BEAN1: variants seen among roughly 807,000 people sequenced by gnomAD.
BEAN1 encodes protein BEAN1.
Under a neutral mutation model 17.7 loss-of-function variants are expected in BEAN1, and 17 were observed. That is an observed-to-expected ratio of 0.96 (90% CI 0.66 to 1.44). BEAN1 has a LOEUF of 1.44. Ranked by LOEUF, BEAN1 falls within the 40% of genes most tolerant of loss-of-function variation. The probability of loss-of-function intolerance (pLI) is 0.00; values close to 1 mark genes in which losing one functional copy is unlikely to be tolerated. For synonymous variants in BEAN1, 142 were observed against 151.8 expected (o/e 0.94, Z 0.47); for missense variants, 359 against 374.1 (o/e 0.96, Z 0.33).
chr16:66,484,742 G>A (rs1267958062), downstream of BEAN1: 1 of 453,892 alleles, frequency 2.2e-6, no homozygotes, highest in African/African-American at 2.0e-5. The surrounding 1 kb of genome is among the most constrained non-coding windows in gnomAD (Gnocchi z 4.2). Flanking sequence ...CACCACTGCA[G>A]GCCACTGAGC....
exon 5 of BEAN1, chr16:66,493,478 G>A (rs1366283643): frequency 1.7e-6 from 1 of 602,448 alleles, no homozygotes; most frequent in African/African-American, 1.9e-5. Flanking sequence ...CCTGGACAGT[G>A]AGGAGGTCCT....
intron 2 of BEAN1, among the ~76,000 whole-genome samples, chr16:66,455,688 CT>C (rs35075494): frequency 0.39 from 55,435 of 143,580 alleles, 10,928 homozygotes; most frequent in South Asian, 0.48. Context: ...AATAAAGCTA[CT>C]TTTTTTTTTT....
At chr16:66,431,706 C>G (rs966512730) in intron 1 of BEAN1, among the ~76,000 whole-genome samples, 1 of 152,022 alleles carries the variant, frequency 6.6e-6, no homozygotes, top group African/African-American at 2.4e-5. Flanking sequence ...GGGTTTTCCC[C>G]CCCTTAACAT....
chr16:66,444,683 T>A (rs953452519), intron 2 of BEAN1, among the ~76,000 whole-genome samples: 5 of 152,156 alleles, frequency 3.3e-5, no homozygotes. Flanking sequence ...CTTGCTCACA[T>A]CATTTGTGTA....
At chr16:66,447,711 C>T (rs1962507427) in intron 2 of BEAN1, among the ~76,000 whole-genome samples, 1 of 152,160 alleles carries the variant, frequency 6.6e-6, no homozygotes, top group African/African-American at 2.4e-5. Flanking sequence ...GTAACTCAGG[C>T]AAATAGATTC....
At position 66,480,873 on chromosome 16, in the gene BEAN1, G is replaced by A. The variant is rs1184402409; in HGVS notation, c.728G>A (p.Gly243Asp). 5 of 1,484,276 alleles carry A rather than the reference G, an allele frequency of 3.4e-6. No homozygotes were observed. The highest frequency in any genetic ancestry group is 2.5e-5 in the East Asian group (1 of 40,014). The allele number at this position is 1,484,276 out of a possible 1,614,324, so 91.9% of individuals were successfully genotyped here. A position where few individuals can be genotyped will look rare whatever the true frequency, so the allele number is the denominator to read the frequency against. Residue 243 changes from glycine to aspartate, a missense_variant, in exon 5 of 5, where the codon GGC (glycine) becomes GAC (aspartate). Gly to Asp is a moderately conservative substitution (Grantham distance 94). Transcript: ENST00000536005. ...GPDPGPRGSQ[G>D]SPTPTRAPAS... ...GACCCAGGGCCAAGGGGCTCCCAGG[G>A]CTCACCCACCCCAACCCGGGCCCCA...
At chr16:66,452,690 G>A (rs1370512675) in intron 2 of BEAN1, among the ~76,000 whole-genome samples, 1 of 152,222 alleles carries the variant, frequency 6.6e-6, no homozygotes, top group Non-Finnish European at 1.5e-5. Flanking sequence ...TTGCAGGACA[G>A]ACATTCCAGA....
chr16:66,473,564 C>G lies in BEAN1; in HGVS notation c.289+3699C>G, dbSNP rs981641050. Among the ~76,000 whole-genome samples the G allele has an allele frequency of 1.3e-5, 2 of 151,792 alleles. No homozygotes were observed. The highest frequency in any genetic ancestry group is 4.8e-5 in the African/African-American group (2 of 41,286). On this transcript the variant is annotated intron_variant, in intron 3 of 4. Coordinates refer to ENST00000536005, the MANE Select transcript of BEAN1 (RefSeq NM_001178020.3). This position sits in a 1 kb window ranked among gnomAD's most constrained non-coding sequence, Gnocchi z 4.5. ...GAAAGCGGCACCACCAGGCGCGGTG[C>G]CTCACACCTATAATCCCAGCACTTT...
intron 2 of BEAN1, among the ~76,000 whole-genome samples, chr16:66,457,320 A>C (rs1962907824): frequency 6.6e-6 from 1 of 152,124 alleles, no homozygotes; most frequent in African/African-American, 2.4e-5. Flanking sequence ...GAGAGGATGG[A>C]TGATTTGCTG....
At chr16:66,491,031 C>T (rs1471200072) in intron 4 of BEAN1, among the ~76,000 whole-genome samples, 3 of 152,214 alleles carry the variant, frequency 2.0e-5, no homozygotes, top group South Asian at 4.1e-4. Flanking sequence ...CCAGCCCCCC[C>T]GAAGCCACCA....
chr16:66,440,342 G>A (rs1457186635), intron 2 of BEAN1, among the ~76,000 whole-genome samples: 1 of 151,968 alleles, frequency 6.6e-6, no homozygotes, highest in Non-Finnish European at 1.5e-5. Context: ...ATTTGACCAG[G>A]CTCGTCTCGA....
At chr16:66,445,083 C>T (rs555586354) in intron 2 of BEAN1, among the ~76,000 whole-genome samples, 1 of 152,294 alleles carries the variant, frequency 6.6e-6, no homozygotes, top group South Asian at 2.1e-4. Flanking sequence ...AGCAAAGTCC[C>T]AGCTCTTATG....
chr16:66,432,989 T>C (rs1186344570), intron 1 of BEAN1, among the ~76,000 whole-genome samples: 1 of 152,208 alleles, frequency 6.6e-6, no homozygotes, highest in Non-Finnish European at 1.5e-5. Flanking sequence ...GACTTCACCA[T>C]TACCATTGCA....
chr16:66,492,931 C>T (rs1964194975), intron 4 of BEAN1: 1 of 690,300 alleles, frequency 1.4e-6, no homozygotes, highest in African/African-American at 1.8e-5. Context: ...AGGCCTGTCC[C>T]ACTCCTAACA....
chr16:66,469,521 C>T (rs1963384644), intron 2 of BEAN1, 81 bp from the exon 3 acceptor site: 1 of 1,412,336 alleles, frequency 7.1e-7, no homozygotes, highest in South Asian at 1.4e-5. Flanking sequence ...GGAGCAACAG[C>T]TCACAGGGCA....
chr16:66,449,561 C>T (rs894382635), intron 2 of BEAN1, among the ~76,000 whole-genome samples: 7 of 133,906 alleles, frequency 5.2e-5, no homozygotes, highest in South Asian at 2.4e-4. Context: ...GAGCCGGTAT[C>T]GCACCACTGC....
intron 2 of BEAN1, among the ~76,000 whole-genome samples, chr16:66,445,348 C>G (rs531396563): frequency 2.6e-5 from 4 of 151,382 alleles, no homozygotes; most frequent in African/African-American, 9.7e-5. Context: ...TGGTGGTGGG[C>G]GCCTGTAGTC....
intron 2 of BEAN1, among the ~76,000 whole-genome samples, chr16:66,442,040 G>A (rs1266254749): frequency 6.6e-6 from 1 of 152,224 alleles, no homozygotes; most frequent in Non-Finnish European, 1.5e-5. Flanking sequence ...AAAGGGGGAG[G>A]CAGTCAAACC....
At chr16:66,477,388 G>A (rs571257980) in intron 3 of BEAN1, among the ~76,000 whole-genome samples, 172 bp from the exon 4 acceptor site, 1 of 152,218 alleles carries the variant, frequency 6.6e-6, no homozygotes, top group Non-Finnish European at 1.5e-5. Context: ...CACGACAATG[G>A]CACCCACATT....
Sources: allele counts gnomAD v4.1 joint callset (sites outside exome capture counted in the v4.1 genomes callset), GRCh38; gene constraint gnomAD v4.1.1; non-coding constraint Gnocchi (gnomAD v3.1); transcripts MANE v1.5; gene names NCBI Gene and HGNC (gene_info 2026-07-23, HGNC 2026-07-21).